KAZN: variants seen among roughly 807,000 people sequenced by gnomAD.
The protein encoded by KAZN is kazrin, periplakin interacting protein.
KAZN carries 40 observed loss-of-function variants against 87.4 expected under a neutral mutation model. That is an observed-to-expected ratio of 0.46 (90% confidence interval 0.36 to 0.60). The LOEUF is 0.60. Among genes scored for constraint, KAZN ranks in the 20% least tolerant of loss-of-function variants. The pLI is 0.00. For synonymous variants in KAZN, 466 were observed against 458.3 expected (o/e 1.02, Z -0.22); for missense variants, 898 against 1,073.9 (o/e 0.84, Z 2.29).
At chr1:14,731,098 A>G (rs1643658055) in intron 1 of KAZN, among the ~76,000 whole-genome samples, 1 of 152,244 alleles carries the variant, frequency 6.6e-6, no homozygotes, top group Non-Finnish European at 1.5e-5. Flanking sequence ...CCCTTAAAAC[A>G]AAATGGGGCT....
chr1:14,368,810 ACAAT>A (rs538309887), intron 2 of KAZN, among the ~76,000 whole-genome samples: 152 of 152,366 alleles, frequency 1.0e-3, no homozygotes, highest in Middle Eastern at 3.4e-3. Context: ...TACTTGTTAA[ACAAT>A]CCATCATAAA....
chr1:15,036,534 CAGGGGAGCCCACAG>C (rs1672354836), intron 3 of KAZN, among the ~76,000 whole-genome samples: 2 of 152,012 alleles, frequency 1.3e-5, no homozygotes, highest in Non-Finnish European at 2.9e-5. Flanking sequence ...CAGAGGGAGG[CAGGGGAGCCCACAG>C]AGGCTGCTTT....
At chr1:14,771,058 G>A (rs1221128543) in intron 1 of KAZN, among the ~76,000 whole-genome samples, 1 of 152,114 alleles carries the variant, frequency 6.6e-6, no homozygotes, top group African/African-American at 2.4e-5. Context: ...TACCCTTCCC[G>A]CCATCCCCAG....
At chr1:13,980,720 A>C (rs985726001) in intron 1 of KAZN, among the ~76,000 whole-genome samples, 2 of 152,162 alleles carry the variant, frequency 1.3e-5, no homozygotes, top group African/African-American at 4.8e-5. Flanking sequence ...CCAAGCAGAC[A>C]AAATTCTGGC....
intron 1 of KAZN, among the ~76,000 whole-genome samples, chr1:14,027,319 A>G (rs1284329594): frequency 5.3e-5 from 8 of 151,996 alleles, no homozygotes; most frequent in African/African-American, 1.7e-4. Context: ...AAGCCTAATG[A>G]GGCAGTTGCC....
intron 1 of KAZN, among the ~76,000 whole-genome samples, chr1:13,909,779 T>C (rs941704042): frequency 2.0e-5 from 3 of 152,224 alleles, no homozygotes; most frequent in Non-Finnish European, 4.4e-5. Flanking sequence ...TGGAAAGATT[T>C]GGTCTGAGTT....
chr1:14,912,458 G>A (rs1182873850), intron 1 of KAZN, among the ~76,000 whole-genome samples: 1 of 152,188 alleles, frequency 6.6e-6, no homozygotes, highest in East Asian at 1.9e-4. Context: ...GTCACCATGT[G>A]GGATGGAATG....
At chr1:14,384,954 T>C (rs1661734791) in intron 2 of KAZN, among the ~76,000 whole-genome samples, 2 of 151,284 alleles carry the variant, frequency 1.3e-5, no homozygotes, top group Admixed American at 6.6e-5. Flanking sequence ...CCTGGACTCT[T>C]TTTGGTTGGT....
chr1:14,220,434 A>G (rs941111663), intron 2 of KAZN, among the ~76,000 whole-genome samples: 40 of 152,188 alleles, frequency 2.6e-4, no homozygotes, highest in African/African-American at 9.6e-4. Flanking sequence ...GTTGTCTTAA[A>G]CTTGGACAGC....
chr1:14,665,154 T>G (rs1405122712), intron 1 of KAZN, among the ~76,000 whole-genome samples: 3 of 152,258 alleles, frequency 2.0e-5, no homozygotes, highest in African/African-American at 7.2e-5. Context: ...GTGACCAACC[T>G]CATCTTGTGT....
intron 2 of KAZN, among the ~76,000 whole-genome samples, chr1:14,516,875 G>A (rs1557771852): frequency 1.3e-5 from 2 of 152,090 alleles, no homozygotes; most frequent in Non-Finnish European, 2.9e-5. Context: ...GTAAGAAAAG[G>A]CAGTCAACAA....
chr1:14,124,999 C>T (rs369544792), intron 1 of KAZN, among the ~76,000 whole-genome samples: 5 of 152,176 alleles, frequency 3.3e-5, no homozygotes, highest in Admixed American at 2.6e-4. Flanking sequence ...ATTGCAGTAG[C>T]GAGTGGATAG....
At chr1:14,047,277 T>C (rs1291389348) in intron 1 of KAZN, among the ~76,000 whole-genome samples, 1 of 152,200 alleles carries the variant, frequency 6.6e-6, no homozygotes, top group South Asian at 2.1e-4. Flanking sequence ...GATCCTAAGC[T>C]CTAATGAGCA....
intron 2 of KAZN, among the ~76,000 whole-genome samples, chr1:14,480,418 T>C (rs192024124): frequency 1.4e-4 from 21 of 152,062 alleles, no homozygotes; most frequent in African/African-American, 5.1e-4. Flanking sequence ...AAACATACAA[T>C]AGCAGTTTGG....
At chr1:14,551,378 G>T (rs1172557626) in intron 2 of KAZN, among the ~76,000 whole-genome samples, 2 of 152,188 alleles carry the variant, frequency 1.3e-5, no homozygotes, top group African/African-American at 4.8e-5. Context: ...AGAATGGGAA[G>T]AACCAAATTA....
intron 1 of KAZN, among the ~76,000 whole-genome samples, chr1:14,081,440 G>A (rs1315620877): frequency 6.6e-6 from 1 of 152,082 alleles, no homozygotes; most frequent in Admixed American, 6.5e-5. Context: ...TTTAAATCAC[G>A]AGTATGGCCA....
intron 2 of KAZN, among the ~76,000 whole-genome samples, chr1:14,417,243 T>C (rs541142732): frequency 1.5e-3 from 223 of 152,164 alleles, no homozygotes; most frequent in Middle Eastern, 3.4e-3. Context: ...CTGCATGTTA[T>C]TATTCCATTG....
At chr1:15,046,177 A>G (rs1251103320) in intron 4 of KAZN, among the ~76,000 whole-genome samples, 2 of 151,890 alleles carry the variant, frequency 1.3e-5, no homozygotes, top group Non-Finnish European at 2.9e-5. Context: ...GGATGCCTGT[A>G]ATCCCAGTTA....
chr1:14,909,669 G>A (rs1657024123), intron 1 of KAZN, among the ~76,000 whole-genome samples: 1 of 152,196 alleles, frequency 6.6e-6, no homozygotes, highest in South Asian at 2.1e-4. Flanking sequence ...CAGAGCACCT[G>A]GCGGGCCAGG....
Sources: allele counts gnomAD v4.1 joint callset (sites outside exome capture counted in the v4.1 genomes callset), GRCh38; gene constraint gnomAD v4.1.1; transcripts MANE v1.5; gene names NCBI Gene and HGNC (gene_info 2026-07-23, HGNC 2026-07-21).